AGAP1: variants seen among roughly 807,000 people sequenced by gnomAD.
AGAP1 encodes ArfGAP with GTPase domain, ankyrin repeat and PH domain 1.
In AGAP1, 29 loss-of-function variants were observed where a neutral mutation model predicts 105.3. The ratio of observed to expected loss-of-function variants is 0.28; its 90% CI spans 0.21 to 0.38. AGAP1 has a LOEUF of 0.38. Ranked by LOEUF, AGAP1 falls within the 10% of genes least tolerant of loss-of-function variation. The pLI, the probability that AGAP1 is intolerant of heterozygous loss-of-function variation, is 1.00. For missense variants in AGAP1, 998 were observed against 1,165.1 expected (o/e 0.86, Z 2.09); for synonymous variants, 509 against 485.9 (o/e 1.05, Z -0.63).
In AGAP1 at chr2:235,747,347, C is replaced by G. The variant is rs144986813; in HGVS notation, c.538+2508C>G. Among the ~76,000 whole-genome samples the G allele has an allele frequency of 6.6e-6, 1 of 152,144 alleles. No individual in the cohort carries two copies. Among genetic ancestry groups the G allele is most frequent in the Non-Finnish European group, 1.5e-5 (1 of 68,018 alleles). ...ATGAATTCCATGAACATCCGTTGAT[C>G]GGATGTGGAAAGATGCCCAGGAAGG... is the stretch of plus-strand genomic sequence containing the variant. On this transcript the variant is annotated intron_variant, in intron 5 of 17. Coordinates refer to ENST00000304032, the MANE Select transcript of AGAP1 (RefSeq NM_001037131.3). This position sits in a 1 kb window ranked among gnomAD's most constrained non-coding sequence, Gnocchi z 5.0.
intron 10 of AGAP1, among the ~76,000 whole-genome samples, chr2:235,890,952 A>AAAAAAAAAC (rs769338135): frequency 2.2e-4 from 33 of 150,750 alleles, no homozygotes; most frequent in African/African-American, 7.7e-4. Flanking sequence ...CAAAAAAAAA[A>AAAAAAAAAC]ACACCTCAGT....
intron 13 of AGAP1, among the ~76,000 whole-genome samples, chr2:236,019,460 C>T (rs898542899): frequency 1.3e-5 from 2 of 152,208 alleles, no homozygotes; most frequent in South Asian, 4.1e-4. Context: ...CCACAGTGAC[C>T]GCATCCTCAG....
intron 1 of AGAP1, among the ~76,000 whole-genome samples, chr2:235,567,321 C>CT (rs1944378521): frequency 1.3e-5 from 2 of 152,368 alleles, no homozygotes; most frequent in East Asian, 3.9e-4. Context: ...TGAGAGAGGA[C>CT]TGCTCTGCCC....
In AGAP1 at chr2:236,082,332, C is replaced by T. The variant is rs763676504; in HGVS notation, c.2114+33051C>T. Among the ~76,000 whole-genome samples the T allele has an allele frequency of 6.6e-5, 10 of 152,204 alleles. No individual in the cohort carries two copies. The highest frequency in any genetic ancestry group is 8.8e-5 in the Non-Finnish European group (6 of 68,036). ...GGCTTTTCCACTGTAATTTCCTCTG[C>T]CAGCTAATTTAATTAATCACCCCCA... On this transcript the variant is annotated intron_variant, in intron 16 of 17. Transcript: ENST00000304032. The surrounding 1 kb of genome is among the most constrained non-coding windows in gnomAD (Gnocchi z 4.2).
intron 6 of AGAP1, among the ~76,000 whole-genome samples, chr2:235,762,085 G>A (rs2149787496): frequency 6.6e-6 from 1 of 150,426 alleles, no homozygotes; most frequent in Admixed American, 6.7e-5. Context: ...TTCCAGCCTG[G>A]GGGGATAAGA....
chr2:235,765,940 A>G lies in AGAP1; in HGVS notation c.673+15452A>G, dbSNP rs1243963135. 5.9e-5 allele frequency among the ~76,000 whole-genome samples: 9 copies of G among 152,348 alleles called. No homozygotes were observed. In the South Asian group the frequency reaches 1.2e-3, roughly 21 times the overall value. On this transcript the variant is annotated intron_variant, in intron 6 of 17. Transcript: ENST00000304032. ...TGTAGAATTTCAGAGCTGGAAGGACAGAGACCCCACCTAGCTCGACCCTTC... is the reference window on the plus strand; with the variant it reads ...TGTAGAATTTCAGAGCTGGAAGGACGGAGACCCCACCTAGCTCGACCCTTC...
intron 13 of AGAP1, among the ~76,000 whole-genome samples, chr2:236,033,021 G>A (rs903428009): frequency 1.1e-4 from 16 of 152,086 alleles, no homozygotes; most frequent in Admixed American, 1.3e-4. Context: ...CAACGTGGGC[G>A]GATCACCTGA....
rs2050645259 is a variant in AGAP1, at chr2:235,893,432, A to C, written c.1155+9983A>C. Among the ~76,000 whole-genome samples, 1 of 143,544 alleles carries C rather than the reference A, an allele frequency of 7.0e-6. No homozygotes were observed. Among genetic ancestry groups the C allele is most frequent in the South Asian group, 2.2e-4 (1 of 4,454 alleles). The allele number at this position is 143,544 out of a possible 152,430, so 94.2% of individuals were successfully genotyped here. A position where few individuals can be genotyped will look rare whatever the true frequency, so the allele number is the denominator to read the frequency against. ...TCTTTGGTGTGGGTGTGCCGTGTCCATCATAAGGAAGAGCTGTGTCTGTGG... is the reference window on the plus strand; with the variant it reads ...TCTTTGGTGTGGGTGTGCCGTGTCCCTCATAAGGAAGAGCTGTGTCTGTGG... On this transcript the variant is annotated intron_variant, in intron 10 of 17. Transcript: ENST00000304032. The surrounding 1 kb of genome is among the most constrained non-coding windows in gnomAD (Gnocchi z 4.7).
Position 235,744,725 on chromosome 2 carries a change from T to G in AGAP1, c.424T>G (p.Phe142Val), listed in dbSNP as rs778196676. 11 of 1,614,000 alleles carry G rather than the reference T, an allele frequency of 6.8e-6. No homozygotes were observed. The highest frequency in any genetic ancestry group is 9.3e-6 in the Non-Finnish European group (11 of 1,180,030). The change falls in exon 5 of 18, where the codon TTT (phenylalanine) becomes GTT (valine). Residue 142 changes from phenylalanine to valine, a missense_variant. Transcript: ENST00000304032. The surrounding 1 kb of genome is among the most constrained non-coding windows in gnomAD (Gnocchi z 5.2). ...QFAMWVDAVI[F>V]VFSLEDEISF... ...TGCCATGTGGGTGGACGCTGTTATA[T>G]TTGTCTTCAGCTTGGAGGATGAAAT...
At chr2:235,536,986 C>A (rs112755141) in intron 1 of AGAP1, among the ~76,000 whole-genome samples, 13 of 152,294 alleles carry the variant, frequency 8.5e-5, no homozygotes, top group African/African-American at 2.4e-4. Flanking sequence ...GTCCATCTAT[C>A]TGTGCGTGCA....
rs4663611 is a variant in AGAP1 at position 235,646,603 on chromosome 2, G to T, written c.164-62576G>T. 2.6e-5 allele frequency among the ~76,000 whole-genome samples: 4 copies of T among 152,204 alleles called. 1 individual carries two copies. The highest frequency in any genetic ancestry group is 4.1e-4 in the South Asian group (2 of 4,826). Reference sequence around the variant, plus strand: ...ATGACATGCTTGCTTTTCCTGTGTTGGTGTGTCGCTTCTCTCCCTTGGGCC... The same window carrying T: ...ATGACATGCTTGCTTTTCCTGTGTTTGTGTGTCGCTTCTCTCCCTTGGGCC... On this transcript the variant is annotated intron_variant, in intron 1 of 17. Transcript: ENST00000304032.
rs1382657846 is a variant in AGAP1, at chr2:235,612,313, G to A, written c.164-96866G>A. On this transcript the variant is annotated intron_variant, in intron 1 of 17. Coordinates refer to ENST00000304032, the MANE Select transcript of AGAP1 (RefSeq NM_001037131.3). The surrounding 1 kb of genome is among the most constrained non-coding windows in gnomAD (Gnocchi z 4.3). The stretch of plus-strand genomic sequence containing the variant: ...TGCACCCCTCCTGTGGCGTGGAGGC[G>A]GTGCCTGGTTAAAGTGGGGCTCAGA... Among the ~76,000 whole-genome samples, 1 of 152,102 alleles carries A rather than the reference G, an allele frequency of 6.6e-6. No homozygotes were observed. The highest frequency in any genetic ancestry group is 2.4e-5 in the African/African-American group (1 of 41,424).
At chr2:235,880,255 TCA>T (rs2049945582) in intron 9 of AGAP1, among the ~76,000 whole-genome samples, 1 of 152,104 alleles carries the variant, frequency 6.6e-6, no homozygotes, top group Non-Finnish European at 1.5e-5. Flanking sequence ...TGTGATTTCC[TCA>T]CGAAAGTACC....
rs1945156224 is a variant in AGAP1 at position 235,587,546 on chromosome 2, GT to G, written c.163+92700del. Among the ~76,000 whole-genome samples the G allele has an allele frequency of 2.0e-5, 3 of 152,034 alleles. No homozygotes were observed. The South Asian group carries it at 6.2e-4, about 32-fold the overall frequency. On this transcript the variant is annotated intron_variant, in intron 1 of 17. Coordinates refer to ENST00000304032, the MANE Select transcript of AGAP1 (RefSeq NM_001037131.3). ...GTGGGCGGATCACTTGAGGTCAGGAGTTTGCAACTAGCCTGGCCAACATGGT... is the reference window on the plus strand; with the variant it reads ...GTGGGCGGATCACTTGAGGTCAGGAGTTGCAACTAGCCTGGCCAACATGGT...
Position 235,959,167 on chromosome 2 carries a change from G to A in AGAP1, c.1484-9295G>A, listed in dbSNP as rs55654858. Among the ~76,000 whole-genome samples the A allele has an allele frequency of 2.6e-5, 4 of 152,178 alleles. No individual in the cohort carries two copies. The highest frequency in any genetic ancestry group is 2.1e-4 in the South Asian group (1 of 4,830). ...CTCCCCTCCCATACTTAACGCCGTC[G>A]ACAGTAGTCGTCTGTCCCGGTGCCC... On this transcript the variant is annotated intron_variant, in intron 12 of 17. Transcript: ENST00000304032. The surrounding 1 kb of genome is among the most constrained non-coding windows in gnomAD (Gnocchi z 7.3).
chr2:235,576,446 A>G (rs1251480628), intron 1 of AGAP1, among the ~76,000 whole-genome samples: 1 of 152,144 alleles, frequency 6.6e-6, no homozygotes, highest in Non-Finnish European at 1.5e-5. Context: ...CGAGTATGGT[A>G]TATTCTGGTC....
In AGAP1 at chr2:236,131,488, T is replaced by G. The variant is rs1040476089; in HGVS notation, c.*7366T>G. 6.8e-6 allele frequency: 1 copy of G among 147,922 alleles called. No individual in the cohort carries two copies. Among genetic ancestry groups the G allele is most frequent in the Non-Finnish European group, 1.5e-5 (1 of 66,876 alleles). The allele number at this position is 147,922 out of a possible 1,614,324, so 9.2% of individuals were successfully genotyped here. A position where few individuals can be genotyped will look rare whatever the true frequency, so the allele number is the denominator to read the frequency against. The stretch of plus-strand genomic sequence containing the variant: ...GGGTGTATCCACAGATGGGTTTAGG[T>G]TTTTTTTTTGGATGTTTTCTATTAC... On this transcript the variant is annotated 3_prime_UTR_variant, in exon 18 of 18. Coordinates refer to ENST00000304032, the MANE Select transcript of AGAP1 (RefSeq NM_001037131.3). The surrounding 1 kb of genome is among the most constrained non-coding windows in gnomAD (Gnocchi z 5.9).
Position 235,867,574 on chromosome 2 carries a change from T to TGTGTGTGTGTGTGCGC in AGAP1, c.1051-15770_1051-15769insTGTGTGTGTGTGCGCG, listed in dbSNP as rs1380487646. Among the ~76,000 whole-genome samples, 1 of 147,582 alleles carries TGTGTGTGTGTGTGCGC rather than the reference T, an allele frequency of 6.8e-6. No individual in the cohort carries two copies. The highest frequency in any genetic ancestry group is 2.5e-5 in the African/African-American group (1 of 40,310). ...GTGTGTGTGTGTGTGTGTGTGTGTG[T>TGTGTGTGTGTGTGCGC]GCAAGTGAGGGAGGGTGACCCCCAC... On this transcript the variant is annotated intron_variant, in intron 9 of 17. Transcript: ENST00000304032. This position sits in a 1 kb window ranked among gnomAD's most constrained non-coding sequence, Gnocchi z 5.4.
intron 13 of AGAP1, among the ~76,000 whole-genome samples, chr2:236,032,663 A>T (rs1455977429): frequency 6.6e-6 from 1 of 152,122 alleles, no homozygotes; most frequent in Admixed American, 6.6e-5. Context: ...TGAGTGAAGG[A>T]TGAAGAAAAG....
Sources: gnomAD v4.1 joint callset for allele counts (sites outside exome capture counted in the v4.1 genomes callset) on GRCh38, gnomAD v4.1.1 for gene constraint, Gnocchi (gnomAD v3.1) non-coding constraint, MANE v1.5 for transcripts, NCBI Gene and HGNC (gene_info 2026-07-23, HGNC 2026-07-21) for gene names.